PRKCH: variants seen among roughly 807,000 people sequenced by gnomAD.
PRKCH encodes protein kinase C eta type.
PRKCH carries 28 observed loss-of-function variants against 82.5 expected under a neutral mutation model. That is an observed-to-expected ratio of 0.34 (90% CI 0.25 to 0.47). The LOEUF (loss-of-function observed/expected upper bound fraction) is 0.47. Ranked by LOEUF, PRKCH falls within the 20% of genes least tolerant of loss-of-function variation. The pLI is 1.00. For missense variants in PRKCH, 705 were observed against 881.8 expected, an observed-to-expected ratio of 0.80 and a Z score of 2.54; for synonymous variants, 322 against 327.4, an observed-to-expected ratio of 0.98 and a Z score of 0.18.
Position 61,547,746 on chromosome 14 carries a change from A to C in PRKCH, c.1765A>C (p.Met589Leu). ...ACTTTCTCTCTCTCTCACTCAGTTC[A>C]TGACCAAGAACCCCACCATGCGCTT... Reference protein sequence around the residue: ...EDATGILKSFMTKNPTMRLGS... With the variant: ...EDATGILKSFLTKNPTMRLGS... The change falls in exon 13 of 14, where the codon ATG becomes CTG. Residue 589 changes from methionine to leucine, a missense_variant. Around this residue, in one of 5 missense-constraint regions of PRKCH, gnomAD observed 115 missense variants for 193.8 expected, o/e 0.59. Transcript: ENST00000332981. 6.2e-7 allele frequency: 1 copy of C among 1,613,614 alleles called. No homozygotes were observed. Among genetic ancestry groups the C allele is most frequent in the Non-Finnish European group, 8.5e-7 (1 of 1,179,770 alleles).
At chr14:61,498,670 C>T (rs559155311) in intron 10 of PRKCH, among the ~76,000 whole-genome samples, 3 of 152,252 alleles carry the variant, frequency 2.0e-5, no homozygotes, top group South Asian at 2.1e-4. Context: ...TGTTCTCATG[C>T]GGTGAGGGGA....
At chr14:61,294,655 T>C (rs2045391672) in intron 1 of PRKCH, among the ~76,000 whole-genome samples, 1 of 152,130 alleles carries the variant, frequency 6.6e-6, no homozygotes, top group South Asian at 2.1e-4. Context: ...ACCTATTTAC[T>C]GTCATAATAA....
chr14:61,514,611 C>A (rs778040528), intron 10 of PRKCH, among the ~76,000 whole-genome samples: 1 of 152,162 alleles, frequency 6.6e-6, no homozygotes, highest in Non-Finnish European at 1.5e-5. Flanking sequence ...CAGCTCCCCC[C>A]ACATCCTCCC....
intron 4 of PRKCH, among the ~76,000 whole-genome samples, chr14:61,446,662 C>T (rs955182773): frequency 1.3e-5 from 2 of 152,176 alleles, no homozygotes; most frequent in Non-Finnish European, 2.9e-5. Context: ...AATATATAAT[C>T]AATATGACAG....
intron 2 of PRKCH, among the ~76,000 whole-genome samples, chr14:61,440,438 T>C (rs955257938): frequency 6.6e-6 from 1 of 152,208 alleles, no homozygotes; most frequent in African/African-American, 2.4e-5. Context: ...CTGAGGCAGG[T>C]ATAATTTTAA....
At position 61,286,548 on chromosome 14, in the gene PRKCH, G is replaced by A. The variant is rs1361887092; in HGVS notation, c.-19+98880G>A. ...TCCCAGCACTTTGGGAGGCCGAGGC[G>A]GGTGGATCACCTGAGGTCGGGAGTT... On this transcript the variant is annotated intron_variant, in intron 1 of 3. Transcript: ENST00000555185. Among the ~76,000 whole-genome samples, 2 of 152,036 alleles carry A rather than the reference G, an allele frequency of 1.3e-5. 1 individual carries two copies. Among genetic ancestry groups the A allele is most frequent in the Middle Eastern group, 6.3e-3 (2 of 316 alleles).
At chr14:61,548,879 AG>A (rs1284443287) in intron 13 of PRKCH, among the ~76,000 whole-genome samples, 1 of 151,322 alleles carries the variant, frequency 6.6e-6, no homozygotes, top group African/African-American at 2.4e-5. Flanking sequence ...AAAAAAAAAA[AG>A]TGATAGAGAA....
chr14:61,287,598 C>T (rs2045326496), intron 1 of PRKCH, among the ~76,000 whole-genome samples: 1 of 152,030 alleles, frequency 6.6e-6, no homozygotes, highest in South Asian at 2.1e-4. Context: ...TAATCTCAGC[C>T]TCTTGGGAAG....
Position 61,485,909 on chromosome 14 carries a change from G to A in PRKCH, c.1433+253G>A, listed in dbSNP as rs114695429. 7.1e-3 allele frequency among the ~76,000 whole-genome samples: 1,076 copies of A among 152,286 alleles called. 12 individuals carry two copies. The highest frequency in any genetic ancestry group is 0.024 in the African/African-American group (1,003 of 41,576). On this transcript the variant is annotated intron_variant, in intron 10 of 13. Transcript: ENST00000332981. ...AGTAGATAGCTGGGACTACAGGCAC[G>A]CACCACTACACATGGCTAATTTTTA... is the stretch of plus-strand genomic sequence containing the variant.
At chr14:61,284,084 C>G (rs182173251) in intron 1 of PRKCH, among the ~76,000 whole-genome samples, 1 of 152,260 alleles carries the variant, frequency 6.6e-6, no homozygotes, top group East Asian at 1.9e-4. Context: ...AGGCTGGAGA[C>G]GCTGATCCAC....
intron 1 of PRKCH, among the ~76,000 whole-genome samples, chr14:61,212,421 A>G (rs1486292954): frequency 1.3e-5 from 2 of 152,248 alleles, no homozygotes; most frequent in African/African-American, 4.8e-5. Context: ...AGAAAATAGA[A>G]TCAGTAATAC....
intron 2 of PRKCH, among the ~76,000 whole-genome samples, chr14:61,395,289 A>ACCC (rs2046757800): frequency 5.3e-5 from 2 of 37,468 alleles, no homozygotes; most frequent in African/African-American, 6.3e-5. Context: ...AAGGAAATGG[A>ACCC]GCCCCCCCCC....
At chr14:61,208,592 T>C (rs545272831) in intron 1 of PRKCH, among the ~76,000 whole-genome samples, 1 of 152,288 alleles carries the variant, frequency 6.6e-6, no homozygotes, top group East Asian at 1.9e-4. Context: ...GTGAAAGTCT[T>C]AAGATTCTCA....
At chr14:61,530,634 A>G (rs2043034342) in intron 12 of PRKCH, 39 bp downstream of exon 12, 1 of 1,543,020 alleles carries the variant, frequency 6.5e-7, no homozygotes, top group Non-Finnish European at 8.8e-7. Context: ...GATGTATTGC[A>G]AACCAGCTTG....
At chr14:61,548,603 T>C (rs1440925105) in intron 13 of PRKCH, among the ~76,000 whole-genome samples, 1 of 152,054 alleles carries the variant, frequency 6.6e-6, no homozygotes, top group Admixed American at 6.5e-5. Context: ...CTCATGCCTA[T>C]AATCCCAGCA....
chr14:61,455,229 G>A (rs59896823), intron 7 of PRKCH, among the ~76,000 whole-genome samples: 7,760 of 148,656 alleles, frequency 0.052, 691 homozygotes, highest in African/African-American at 0.18. Context: ...TAGTAGAGAT[G>A]GGGGGTTTCA....
chr14:61,378,002 C>G (rs970183934), intron 1 of PRKCH, among the ~76,000 whole-genome samples: 1 of 152,212 alleles, frequency 6.6e-6, no homozygotes, highest in Non-Finnish European at 1.5e-5. Flanking sequence ...AGCCTTCTCT[C>G]TTACTCCTGT....
At chr14:61,391,388 A>C in intron 2 of PRKCH, 100 bp downstream of exon 2, 1 of 1,038,150 alleles carries the variant, frequency 9.6e-7, no homozygotes, top group Non-Finnish European at 1.4e-6. Flanking sequence ...GCATGTTGTA[A>C]GAGATGCTTA....
chr14:61,322,054 C>T lies in PRKCH; in HGVS notation c.-48C>T, dbSNP rs1319183283. The T allele has an allele frequency of 6.7e-7, 1 of 1,490,008 alleles. No homozygotes were observed. The highest frequency in any genetic ancestry group is 2.5e-5 in the East Asian group (1 of 40,070). 92.3% of individuals were successfully genotyped at this position (1,490,008 alleles called of 1,614,324 possible). On this transcript the variant is annotated 5_prime_UTR_variant, in exon 1 of 14. Transcript: ENST00000332981. ...GCCTGAGACGGGACTCCCGGTTCTCCCGCTGCGAAGCAGCGCGGCCCCCCG... is the reference window on the plus strand; with the variant it reads ...GCCTGAGACGGGACTCCCGGTTCTCTCGCTGCGAAGCAGCGCGGCCCCCCG...
Sources: gnomAD v4.1 joint callset for allele counts (sites outside exome capture counted in the v4.1 genomes callset) on GRCh38, gnomAD v4.1.1 for gene constraint, gnomAD v4.1.1 regional missense constraint, MANE v1.5 for transcripts, NCBI Gene and HGNC (gene_info 2026-07-23, HGNC 2026-07-21) for gene names.